Variants in LDLRAD3 observed in about 807,000 individuals in gnomAD.
LDLRAD3 encodes the protein low density lipoprotein receptor class A domain containing 3.
In LDLRAD3, 20 loss-of-function variants were observed where a neutral mutation model predicts 29.4. That is an observed-to-expected ratio of 0.68 (90% CI 0.48 to 0.99). The LOEUF is 0.99. Among genes scored for constraint, LDLRAD3 ranks in the 50% least tolerant of loss-of-function variants. The probability of loss-of-function intolerance (pLI) is 0.00; values close to 1 mark genes in which losing one functional copy is unlikely to be tolerated. For missense variants in LDLRAD3, 420 were observed against 454.3 expected, an observed-to-expected ratio of 0.92 and a Z score of 0.69; for synonymous variants, 157 against 192.7, an observed-to-expected ratio of 0.81 and a Z score of 1.53.
At chr11:36,006,729 A>G (rs1351843645) in intron 1 of LDLRAD3, among the ~76,000 whole-genome samples, 1 of 152,252 alleles carries the variant, frequency 6.6e-6, no homozygotes, top group Non-Finnish European at 1.5e-5. Context: ...CAATCCCATG[A>G]CAATGCAGGA....
chr11:35,955,232 G>A (rs889942226), intron 1 of LDLRAD3, among the ~76,000 whole-genome samples: 1 of 152,290 alleles, frequency 6.6e-6, no homozygotes, highest in South Asian at 2.1e-4. Flanking sequence ...GCAACAGAAT[G>A]AGACTCTCTC....
At chr11:35,972,715 T>A (rs545602559) in intron 1 of LDLRAD3, 3 of 152,334 alleles carry the variant, frequency 2.0e-5, no homozygotes, top group Non-Finnish European at 4.4e-5. Flanking sequence ...TTGAATTTTA[T>A]TGTTTGAAAA....
intron 4 of LDLRAD3, among the ~76,000 whole-genome samples, chr11:36,174,506 A>G (rs1338375699): frequency 6.6e-6 from 1 of 152,250 alleles, no homozygotes. Context: ...AAGAACTCAG[A>G]CAAATTTACA....
At chr11:36,026,779 G>T (rs262433) in intron 1 of LDLRAD3, among the ~76,000 whole-genome samples, 77,070 of 152,040 alleles carry the variant, frequency 0.51, 19,811 homozygotes, top group Admixed American at 0.57. Flanking sequence ...ACATCAGGAA[G>T]TTACCCTATA....
chr11:36,126,322 C>T (rs1418327961), intron 4 of LDLRAD3, among the ~76,000 whole-genome samples: 3 of 152,174 alleles, frequency 2.0e-5, no homozygotes, highest in Admixed American at 1.3e-4. Context: ...TTACCTTCTC[C>T]AGCCCTGTGC....
intron 4 of LDLRAD3, among the ~76,000 whole-genome samples, chr11:36,199,101 C>A (rs1855079003): frequency 6.6e-6 from 1 of 152,156 alleles, no homozygotes; most frequent in South Asian, 2.1e-4. Flanking sequence ...GGGGTTTCAC[C>A]TTATTAGCCA....
chr11:36,085,608 A>T (rs760835304), intron 3 of LDLRAD3, among the ~76,000 whole-genome samples: 1 of 151,494 alleles, frequency 6.6e-6, no homozygotes, highest in Non-Finnish European at 1.5e-5. Context: ...GTGAGTTTTT[A>T]TTTTTTTATA....
intron 4 of LDLRAD3, among the ~76,000 whole-genome samples, chr11:36,171,679 A>G (rs149408623): frequency 2.5e-3 from 378 of 152,240 alleles, no homozygotes; most frequent in Non-Finnish European, 4.2e-3. Context: ...CCATTGGTCT[A>G]TGTGCCTGTT....
Position 36,060,023 on chromosome 11 carries a change from A to T in LDLRAD3, c.194-21630A>T, listed in dbSNP as rs1049641584. ...TTGCGAGATGGGTATCATGATTGGC[A>T]TCTTCATTTTACAGATAAGGAAATG... On this transcript the variant is annotated intron_variant, in intron 2 of 5. Coordinates refer to ENST00000315571, the MANE Select transcript of LDLRAD3 (RefSeq NM_174902.4). 5.9e-5 allele frequency among the ~76,000 whole-genome samples: 9 copies of T among 152,360 alleles called. No homozygotes were observed. In the South Asian group the frequency reaches 8.3e-4, roughly 14 times the overall value.
intron 1 of LDLRAD3, among the ~76,000 whole-genome samples, chr11:36,032,785 C>A (rs972444854): frequency 1.3e-5 from 2 of 152,022 alleles, no homozygotes; most frequent in Non-Finnish European, 2.9e-5. Context: ...TTGGGTGGTG[C>A]CAGTTGAGTG....
At chr11:35,978,053 T>C (rs889530401) in intron 1 of LDLRAD3, among the ~76,000 whole-genome samples, 1 of 152,124 alleles carries the variant, frequency 6.6e-6, no homozygotes, top group Non-Finnish European at 1.5e-5. Flanking sequence ...TATGGATTTA[T>C]AATAGGGCTG....
chr11:36,011,956 A>G (rs920971896), intron 1 of LDLRAD3, among the ~76,000 whole-genome samples: 1 of 152,210 alleles, frequency 6.6e-6, no homozygotes, highest in Non-Finnish European at 1.5e-5. Context: ...GTCTAACTGC[A>G]TGACTGTGGG....
chr11:36,026,531 G>T (rs760245605), intron 1 of LDLRAD3, among the ~76,000 whole-genome samples: 27 of 152,162 alleles, frequency 1.8e-4, no homozygotes, highest in Non-Finnish European at 3.1e-4. Context: ...CACATTCCCG[G>T]GAGGTTAGGC....
intron 4 of LDLRAD3, among the ~76,000 whole-genome samples, chr11:36,156,095 T>C (rs1043544213): frequency 7.2e-5 from 11 of 152,344 alleles, no homozygotes; most frequent in Admixed American, 2.6e-4. Context: ...ACTCTGCTGA[T>C]TCGAGGTAGA....
intron 2 of LDLRAD3, among the ~76,000 whole-genome samples, chr11:36,039,020 A>G (rs1327303344): frequency 6.7e-6 from 1 of 148,204 alleles, no homozygotes; most frequent in African/African-American, 2.5e-5. Flanking sequence ...CCCAGGCTGG[A>G]ATGCAGTGGC....
chr11:36,154,873 A>C (rs1446318170), intron 4 of LDLRAD3, among the ~76,000 whole-genome samples: 1 of 152,094 alleles, frequency 6.6e-6, no homozygotes, highest in African/African-American at 2.4e-5. Flanking sequence ...GGCCTCTACC[A>C]CAAGTCCCTC....
At chr11:36,197,989 T>G (rs777453544) in intron 4 of LDLRAD3, 4 of 151,980 alleles carry the variant, frequency 2.6e-5, no homozygotes, top group Non-Finnish European at 5.9e-5. Flanking sequence ...AGTTCAAGGC[T>G]GCAGTGAGCT....
At chr11:36,003,990 C>T (rs1447924218) in intron 1 of LDLRAD3, among the ~76,000 whole-genome samples, 1 of 152,126 alleles carries the variant, frequency 6.6e-6, no homozygotes, top group East Asian at 1.9e-4. Flanking sequence ...GAAATCTGCC[C>T]CATGATCCAG....
intron 4 of LDLRAD3, among the ~76,000 whole-genome samples, chr11:36,126,880 C>T (rs1853845913): frequency 6.6e-6 from 1 of 152,122 alleles, no homozygotes; most frequent in Admixed American, 6.6e-5. Context: ...GCATAATCAC[C>T]CAGAGTTAAA....
Sources: allele counts gnomAD v4.1 joint callset (sites outside exome capture counted in the v4.1 genomes callset), GRCh38; gene constraint gnomAD v4.1.1; transcripts MANE v1.5; gene names NCBI Gene and HGNC (gene_info 2026-07-23, HGNC 2026-07-21).